SUB1: variants seen among roughly 807,000 people sequenced by gnomAD.
The protein encoded by SUB1 is activated RNA polymerase II transcriptional coactivator p15.
Under a neutral mutation model 16.9 loss-of-function variants are expected in SUB1, and 1 was observed. The ratio of observed to expected loss-of-function variants is 0.06; its 90% CI spans 0.02 to 0.28. The LOEUF (loss-of-function observed/expected upper bound fraction) is 0.28, where lower values mean the gene tolerates loss of function less well. Ranked by LOEUF, SUB1 falls within the 10% of genes least tolerant of loss-of-function variation. SUB1 has a pLI of 1.00. For synonymous variants in SUB1, 51 were observed against 46.9 expected, an observed-to-expected ratio of 1.09 and a Z score of -0.36; for missense variants, 84 against 145.2, an observed-to-expected ratio of 0.58 and a Z score of 2.16.
At chr5:32,599,139 T>A in intron 4 of SUB1, 70 bp downstream of exon 4, 2 of 1,130,670 alleles carry the variant, frequency 1.8e-6, no homozygotes, top group Non-Finnish European at 2.6e-6. Flanking sequence ...GTAGCTTACT[T>A]GAAATGTTGG....
chr5:32,602,414 A>G lies in SUB1; in HGVS notation c.*1330A>G, dbSNP rs548259228. The G allele has an allele frequency of 4.0e-6, 1 of 247,132 alleles. No individual in the cohort carries two copies. Among genetic ancestry groups the G allele is most frequent in the Non-Finnish European group, 8.2e-6 (1 of 121,320 alleles). The allele number at this position is 247,132 out of a possible 1,614,324, so 15.3% of individuals were successfully genotyped here. On this transcript the variant is annotated 3_prime_UTR_variant, in exon 5 of 5. Transcript: ENST00000265073. ...ATTCTAGGTAGAGTAGAAAAAGGAAAGTTTTAAAGACATATAAAAGATTCT... is the reference window on the plus strand; with the variant it reads ...ATTCTAGGTAGAGTAGAAAAAGGAAGGTTTTAAAGACATATAAAAGATTCT...
At position 32,601,548 on chromosome 5, in the gene SUB1, A is replaced by G. The variant is rs2111690898; in HGVS notation, c.*464A>G. On this transcript the variant is annotated 3_prime_UTR_variant, in exon 5 of 5. Coordinates refer to ENST00000265073, the MANE Select transcript of SUB1 (RefSeq NM_006713.4). ...TGACTTCCACCCCCAATGGTTTTTC[A>G]CTCTTTTTATTTACTTCATTTTCCT... is the stretch of plus-strand genomic sequence containing the variant. 6.6e-6 allele frequency: 1 copy of G among 152,274 alleles called. No homozygotes were observed. Among genetic ancestry groups the G allele is most frequent in the Non-Finnish European group, 1.5e-5 (1 of 68,422 alleles). The allele number at this position is 152,274 out of a possible 1,614,324, so 9.4% of individuals were successfully genotyped here.
At chr5:32,591,353 A>T in intron 2 of SUB1, 1 of 549,044 alleles carries the variant, frequency 1.8e-6, no homozygotes. Flanking sequence ...GTCTTTTGGG[A>T]TCCTGAGAAC....
chr5:32,599,159 CGG>C, intron 4 of SUB1, 90 bp downstream of exon 4: 1 of 881,922 alleles, frequency 1.1e-6, no homozygotes, highest in Admixed American at 2.3e-5. Flanking sequence ...GCAGGACACA[CGG>C]GGCAAGGAAG....
At chr5:32,587,613 ATTTT>A (rs550698846) in intron 1 of SUB1, among the ~76,000 whole-genome samples, 2 of 143,870 alleles carry the variant, frequency 1.4e-5, no homozygotes, top group African/African-American at 5.1e-5. Flanking sequence ...ATTGTGTAAG[ATTTT>A]TTTTTTTTTT....
chr5:32,594,193 C>T (rs997627422), intron 3 of SUB1, among the ~76,000 whole-genome samples: 3 of 152,146 alleles, frequency 2.0e-5, no homozygotes, highest in Admixed American at 6.5e-5. Flanking sequence ...GGGGCAGAAT[C>T]GTGACTAGAG....
At chr5:32,586,871 G>A (rs1738684682) in intron 1 of SUB1, among the ~76,000 whole-genome samples, 1 of 152,152 alleles carries the variant, frequency 6.6e-6, no homozygotes, top group African/African-American at 2.4e-5. Context: ...ATCAGATTGA[G>A]CTTTTTGAAT....
intron 4 of SUB1, among the ~76,000 whole-genome samples, chr5:32,600,095 A>G (rs1251437590): frequency 6.6e-6 from 1 of 152,188 alleles, no homozygotes; most frequent in Non-Finnish European, 1.5e-5. Flanking sequence ...TATAGATGCC[A>G]TTTTACTGGT....
At position 32,602,116 on chromosome 5, in the gene SUB1, A is replaced by G. The variant is rs376023071; in HGVS notation, c.*1032A>G. 969 of 424,162 alleles carry G rather than the reference A, an allele frequency of 2.3e-3. 19 individuals carry two copies. Among genetic ancestry groups the G allele is most frequent in the South Asian group, 0.016 (929 of 58,340 alleles). The allele number at this position is 424,162 out of a possible 1,614,324, so 26.3% of individuals were successfully genotyped here. A position where few individuals can be genotyped will look rare whatever the true frequency, so the allele number is the denominator to read the frequency against. ...TTTGGCCTTTGCCCCAGTAGAACAGACCAATGGCATTCTAGACTTGATGAT... is the reference window on the plus strand; with the variant it reads ...TTTGGCCTTTGCCCCAGTAGAACAGGCCAATGGCATTCTAGACTTGATGAT... On this transcript the variant is annotated 3_prime_UTR_variant, in exon 5 of 5. Transcript: ENST00000265073.
rs187826324 is a variant in SUB1 at position 32,602,925 on chromosome 5, T to C, written c.*1841T>C. On this transcript the variant is annotated 3_prime_UTR_variant, in exon 5 of 5. Transcript: ENST00000265073. ...TGGATAGATTTTTAAATATTTCTTA[T>C]TTTTGGCACACGGAAAGGGTAGTTC... is the stretch of plus-strand genomic sequence containing the variant. 1.3e-5 allele frequency: 2 copies of C among 152,286 alleles called. No homozygotes were observed. Among genetic ancestry groups the C allele is most frequent in the East Asian group, 1.9e-4 (1 of 5,182 alleles). 9.4% of individuals were successfully genotyped at this position (152,286 alleles called of 1,614,324 possible). A position where few individuals can be genotyped will look rare whatever the true frequency, so the allele number is the denominator to read the frequency against.
chr5:32,592,381 A>C (rs558607721), intron 3 of SUB1, among the ~76,000 whole-genome samples: 1 of 152,228 alleles, frequency 6.6e-6, no homozygotes, highest in Non-Finnish European at 1.5e-5. Context: ...GAATAGATAA[A>C]GTGAAGGAAG....
Position 32,601,194 on chromosome 5 carries a change from C to G in SUB1, c.*110C>G, listed in dbSNP as rs928695726. On this transcript the variant is annotated 3_prime_UTR_variant, in exon 5 of 5. Transcript: ENST00000265073. ...TCCAAGCTATTGTATGTTTGGATTG[C>G]AGAAGAATTTGTAAGATGAATACTT... is the stretch of plus-strand genomic sequence containing the variant. 165 of 846,344 alleles carry G rather than the reference C, an allele frequency of 1.9e-4. No homozygotes were observed. The highest frequency in any genetic ancestry group is 2.9e-4 in the Non-Finnish European group (155 of 540,802). The allele number at this position is 846,344 out of a possible 1,614,324, so 52.4% of individuals were successfully genotyped here. A position where few individuals can be genotyped will look rare whatever the true frequency, so the allele number is the denominator to read the frequency against.
intron 4 of SUB1, among the ~76,000 whole-genome samples, chr5:32,600,394 G>C (rs1438069244): frequency 1.3e-5 from 2 of 152,226 alleles, no homozygotes; most frequent in Non-Finnish European, 2.9e-5. Flanking sequence ...ATCTGGACCT[G>C]ACCATTTTAG....
intron 2 of SUB1, 74 bp from the exon 3 acceptor site, chr5:32,591,489 A>G: frequency 6.8e-7 from 1 of 1,471,810 alleles, no homozygotes; most frequent in Non-Finnish European, 9.0e-7. Context: ...AAATCTTAAA[A>G]AGTAATGGGA....
In SUB1 at chr5:32,603,432, A is replaced by G. The variant is rs1002185791; in HGVS notation, c.*2348A>G. On this transcript the variant is annotated 3_prime_UTR_variant, in exon 5 of 5. Transcript: ENST00000265073. The stretch of plus-strand genomic sequence containing the variant: ...GTACTCAGGTTTTTCCCTTTAACAG[A>G]CTCTATGTGTATCAGGGCTTTCTAA... 2.6e-5 allele frequency: 4 copies of G among 151,942 alleles called. No individual in the cohort carries two copies. Among genetic ancestry groups the G allele is most frequent in the African/African-American group, 9.7e-5 (4 of 41,368 alleles). The allele number at this position is 151,942 out of a possible 1,614,324, so 9.4% of individuals were successfully genotyped here. A position where few individuals can be genotyped will look rare whatever the true frequency, so the allele number is the denominator to read the frequency against.
intron 3 of SUB1, among the ~76,000 whole-genome samples, chr5:32,593,171 G>T (rs559465662): frequency 6.6e-6 from 1 of 152,002 alleles, no homozygotes; most frequent in Admixed American, 6.5e-5. Context: ...GCTCCATGAC[G>T]CCTGGCAAAT....
At chr5:32,590,149 A>C (rs760971981) in intron 2 of SUB1, among the ~76,000 whole-genome samples, 7 of 152,204 alleles carry the variant, frequency 4.6e-5, no homozygotes, top group African/African-American at 1.4e-4. Flanking sequence ...TGCTTTCTGC[A>C]TATTGAGCTA....
At chr5:32,596,063 G>T (rs969194689) in intron 3 of SUB1, 1 of 152,138 alleles carries the variant, frequency 6.6e-6, no homozygotes, top group African/African-American at 2.4e-5. Flanking sequence ...AGACTTCAGG[G>T]AAACTTTAGT....
At chr5:32,592,486 C>T (rs1376346803) in intron 3 of SUB1, among the ~76,000 whole-genome samples, 1 of 152,120 alleles carries the variant, frequency 6.6e-6, no homozygotes, top group Non-Finnish European at 1.5e-5. Flanking sequence ...TTGACACTGG[C>T]ATCTTTGTAC....
Sources: gnomAD v4.1 joint callset for allele counts (sites outside exome capture counted in the v4.1 genomes callset) on GRCh38, gnomAD v4.1.1 for gene constraint, MANE v1.5 for transcripts, NCBI Gene and HGNC (gene_info 2026-07-23, HGNC 2026-07-21) for gene names.